Variants in SATB2 observed in about 807,000 individuals in gnomAD.
SATB2 encodes the protein SATB homeobox 2.
In SATB2, 1 loss-of-function variant was observed where a neutral mutation model predicts 73.4. The ratio of observed to expected loss-of-function variants is 0.01; its 90% CI spans 0.00 to 0.06. The LOEUF is 0.06. SATB2 is among the 10% of genes least tolerant of loss of function. SATB2 has a pLI of 1.00. For missense variants in SATB2, 459 were observed against 945.8 expected (o/e 0.49, Z 6.75); for synonymous variants, 397 against 367.0 (o/e 1.08, Z -0.93).
At chr2:199,283,619 A>T (rs1019592623) in intron 10 of SATB2, among the ~76,000 whole-genome samples, 1 of 151,610 alleles carries the variant, frequency 6.6e-6, no homozygotes, top group Admixed American at 6.6e-5. Context: ...ACCACACTTC[A>T]AAATTTGCCA....
intron 10 of SATB2, among the ~76,000 whole-genome samples, chr2:199,299,170 T>C (rs73065499): frequency 0.018 from 2,728 of 152,326 alleles, 85 homozygotes; most frequent in African/African-American, 0.061. Flanking sequence ...GAGAAGTGTT[T>C]ATCTGTGTGG....
At chr2:199,286,720 G>A (rs539782935) in intron 10 of SATB2, among the ~76,000 whole-genome samples, 2 of 152,230 alleles carry the variant, frequency 1.3e-5, no homozygotes, top group East Asian at 3.9e-4. Flanking sequence ...CACAGGAAAG[G>A]CCTATCTCTT....
At chr2:199,307,850 C>T (rs1687479249) in intron 10 of SATB2, among the ~76,000 whole-genome samples, 1 of 152,160 alleles carries the variant, frequency 6.6e-6, no homozygotes, top group African/African-American at 2.4e-5. Context: ...CTCACTCTCC[C>T]TTTATATTCT....
upstream of SATB2, among the ~76,000 whole-genome samples, chr2:199,462,123 T>C (rs1291228301): frequency 3.3e-5 from 5 of 152,296 alleles, no homozygotes; most frequent in South Asian, 8.3e-4. The surrounding 1 kb of genome is among the most constrained non-coding windows in gnomAD (Gnocchi z 5.9). Context: ...TAAAGAGCCC[T>C]GGAAAGTTGC....
At chr2:199,459,337 G>A (rs986547400), upstream of SATB2, among the ~76,000 whole-genome samples, 6 of 152,138 alleles carry the variant, frequency 3.9e-5, 1 homozygote, top group African/African-American at 1.2e-4. This position sits in a 1 kb window ranked among gnomAD's most constrained non-coding sequence, Gnocchi z 4.2. Flanking sequence ...CGCGGCCGCC[G>A]GCAGCCCGAC....
intron 3 of SATB2, among the ~76,000 whole-genome samples, chr2:199,427,445 A>T (rs1021744176): frequency 1.3e-5 from 2 of 152,162 alleles, no homozygotes; most frequent in African/African-American, 4.8e-5. Context: ...AGAAAATTTG[A>T]ATCTTTACTG....
intron 7 of SATB2, chr2:199,329,197 A>T: frequency 2.3e-6 from 1 of 437,368 alleles, no homozygotes; most frequent in Non-Finnish European, 4.2e-6. Flanking sequence ...AAGAATTGTG[A>T]AACTGCAATT....
At position 199,354,326 on chromosome 2, in the gene SATB2, A is replaced by G. The variant is rs192344328; in HGVS notation, c.701-5153T>C. ...AGTCGAGATTGTGCCACTGCACTCCAGCCTGGGTGACAGAGTGAGATTCTG... is the reference window on the plus strand; with the variant it reads ...AGTCGAGATTGTGCCACTGCACTCCGGCCTGGGTGACAGAGTGAGATTCTG... On this transcript the variant is annotated intron_variant, in intron 6 of 10. Transcript: ENST00000417098. Among the ~76,000 whole-genome samples the G allele has an allele frequency of 1.1e-3, 169 of 152,336 alleles. 1 individual carries two copies. The East Asian group carries it at 0.017, about 16-fold the overall frequency.
At chr2:199,294,000 C>G (rs79079449) in intron 10 of SATB2, among the ~76,000 whole-genome samples, 1 of 152,042 alleles carries the variant, frequency 6.6e-6, no homozygotes, top group Non-Finnish European at 1.5e-5. Flanking sequence ...TGCTCCCCCC[C>G]AACTAGTTAT....
Position 199,427,621 on chromosome 2 carries a change from G to A in SATB2, c.346+5717C>T, listed in dbSNP as rs185711003. ...AATCCAGTGGGGGAGGGGGTGAGAAGTGGGTAGGGAAAGAGACGAGACAGG... is the reference window on the plus strand; with the variant it reads ...AATCCAGTGGGGGAGGGGGTGAGAAATGGGTAGGGAAAGAGACGAGACAGG... On this transcript the variant is annotated intron_variant, in intron 3 of 10. Coordinates refer to ENST00000417098, the MANE Select transcript of SATB2 (RefSeq NM_001172509.2). Among the ~76,000 whole-genome samples, 291 of 152,130 alleles carry A rather than the reference G, an allele frequency of 1.9e-3. No homozygotes were observed. The Middle Eastern group carries it at 0.027, about 14-fold the overall frequency.
chr2:199,436,287 T>TA (rs1691648814), intron 2 of SATB2, among the ~76,000 whole-genome samples: 1 of 152,128 alleles, frequency 6.6e-6, no homozygotes, highest in African/African-American at 2.4e-5. Flanking sequence ...TGTAGGGACT[T>TA]ACGTTTTATA....
intron 10 of SATB2, among the ~76,000 whole-genome samples, chr2:199,292,577 T>C (rs1465355255): frequency 1.3e-5 from 2 of 152,208 alleles, no homozygotes; most frequent in African/African-American, 4.8e-5. Flanking sequence ...CTAACATTTG[T>C]TTTTAAAGAG....
chr2:199,436,862 A>C (rs1335717431), intron 2 of SATB2, among the ~76,000 whole-genome samples: 1 of 151,382 alleles, frequency 6.6e-6, no homozygotes, highest in South Asian at 2.1e-4. Context: ...AGAGAGAGAG[A>C]GATTTGTCCA....
At chr2:199,341,957 G>A (rs1028809569) in intron 7 of SATB2, among the ~76,000 whole-genome samples, 2 of 152,140 alleles carry the variant, frequency 1.3e-5, no homozygotes, top group South Asian at 2.1e-4. Context: ...CCTGCAGAGC[G>A]CTCTGGAGTG....
Position 199,323,845 on chromosome 2 carries a change from C to T in SATB2, c.1500G>A (p.Val500=). ...CCACTTTGGCAAACAGGGCTTGAGACACCTTGGCCCTTTTCATCTCCTGTT... is the reference window on the plus strand; with the variant it reads ...CCACTTTGGCAAACAGGGCTTGAGATACCTTGGCCCTTTTCATCTCCTGTT... The part of the protein sequence containing the change: ...EIQQEMKRAK[V]SQALFAKVAA... Residue 500 remains valine (V), a synonymous_variant, in exon 9 of 11, where the codon GTG becomes GTA. Coordinates refer to ENST00000417098, the MANE Select transcript of SATB2 (RefSeq NM_001172509.2). 2 of 1,613,580 alleles carry T rather than the reference C, an allele frequency of 1.2e-6. No individual in the cohort carries two copies. The highest frequency in any genetic ancestry group is 1.7e-6 in the Non-Finnish European group (2 of 1,179,642).
intron 7 of SATB2, among the ~76,000 whole-genome samples, chr2:199,334,031 A>C (rs1428660615): frequency 6.6e-6 from 1 of 152,072 alleles, no homozygotes. Context: ...ATGCTCATCT[A>C]TTTACTAAAA....
At chr2:199,447,621 GA>G (rs1692002929) in intron 2 of SATB2, among the ~76,000 whole-genome samples, 1 of 152,086 alleles carries the variant, frequency 6.6e-6, no homozygotes, top group Non-Finnish European at 1.5e-5. Context: ...TAGAATTTAA[GA>G]AAATGGGATT....
At chr2:199,437,839 T>C (rs2077452) in intron 2 of SATB2, among the ~76,000 whole-genome samples, 127 of 152,276 alleles carry the variant, frequency 8.3e-4, no homozygotes, top group Non-Finnish European at 1.7e-3. Context: ...CTATAATCAA[T>C]GTTCACGATA....
At chr2:199,342,770 C>T (rs1248194043) in intron 7 of SATB2, among the ~76,000 whole-genome samples, 3 of 152,124 alleles carry the variant, frequency 2.0e-5, no homozygotes, top group Admixed American at 6.6e-5. Context: ...ATGCCATGAC[C>T]TTGTCATAAA....
Sources: gnomAD v4.1 joint callset for allele counts (sites outside exome capture counted in the v4.1 genomes callset) on GRCh38, gnomAD v4.1.1 for gene constraint, Gnocchi (gnomAD v3.1) non-coding constraint, MANE v1.5 for transcripts, NCBI Gene and HGNC (gene_info 2026-07-23, HGNC 2026-07-21) for gene names.